IGF2BP3: variants seen among roughly 807,000 people sequenced by gnomAD.
The protein encoded by IGF2BP3 is insulin-like growth factor 2 mRNA-binding protein 3.
In IGF2BP3, 9 loss-of-function variants were observed where a neutral mutation model predicts 73.8. The ratio of observed to expected loss-of-function variants is 0.12; its 90% CI spans 0.07 to 0.21. The LOEUF (loss-of-function observed/expected upper bound fraction) is 0.21. Ranked by LOEUF, IGF2BP3 falls within the 10% of genes least tolerant of loss-of-function variation. The probability of loss-of-function intolerance (pLI) is 1.00; values close to 1 mark genes in which losing one functional copy is unlikely to be tolerated. For synonymous variants in IGF2BP3, 258 were observed against 256.7 expected, an observed-to-expected ratio of 1.01 and a Z score of -0.05; for missense variants, 542 against 714.0, an observed-to-expected ratio of 0.76 and a Z score of 2.75.
intron 10 of IGF2BP3, among the ~76,000 whole-genome samples, chr7:23,322,595 G>C (rs1426109745): frequency 6.6e-6 from 1 of 152,124 alleles, no homozygotes; most frequent in East Asian, 1.9e-4. Flanking sequence ...TCCTCGAGAA[G>C]AGCAACTCCA....
intron 10 of IGF2BP3, among the ~76,000 whole-genome samples, chr7:23,336,109 T>C (rs1041625673): frequency 6.6e-6 from 1 of 152,008 alleles, no homozygotes; most frequent in African/African-American, 2.4e-5. Context: ...ATTTCTACTT[T>C]CATGCTACAA....
At chr7:23,342,336 T>C in intron 9 of IGF2BP3, 147 bp from the exon 10 acceptor site, 1 of 869,884 alleles carries the variant, frequency 1.1e-6, no homozygotes, top group Non-Finnish European at 1.8e-6. Flanking sequence ...GGACTCTACT[T>C]GAGTACATCG....
chr7:23,324,252 C>T (rs1194884686), intron 10 of IGF2BP3, among the ~76,000 whole-genome samples: 4 of 150,388 alleles, frequency 2.7e-5, no homozygotes, highest in Admixed American at 6.6e-5. Flanking sequence ...ACCACCGATC[C>T]CACAGAAATA....
chr7:23,441,984 G>A (rs971571121), intron 2 of IGF2BP3, among the ~76,000 whole-genome samples: 3 of 152,024 alleles, frequency 2.0e-5, no homozygotes, highest in Admixed American at 6.6e-5. Flanking sequence ...AAAATTAGCC[G>A]GGTGTGGTGG....
At position 23,463,004 on chromosome 7, in the gene IGF2BP3, C is replaced by G. The variant is rs530941431; in HGVS notation, c.236+5478G>C. ...TCTTAACTAAGAATACCAATCCTAC[C>G]CCTTGGTCATTGCTACCACACTGCC... On this transcript the variant is annotated intron_variant, in intron 2 of 14. Transcript: ENST00000258729. Among the ~76,000 whole-genome samples the G allele has an allele frequency of 1.7e-4, 26 of 152,226 alleles. No homozygotes were observed. In the South Asian group the frequency reaches 4.6e-3, roughly 27 times the overall value.
intron 3 of IGF2BP3, among the ~76,000 whole-genome samples, chr7:23,406,924 AC>A (rs1786850747): frequency 6.6e-6 from 1 of 152,124 alleles, no homozygotes; most frequent in African/African-American, 2.4e-5. Flanking sequence ...TCCCCACCTG[AC>A]CCAGAAGCCC....
At chr7:23,421,338 T>A (rs1787338849) in intron 2 of IGF2BP3, among the ~76,000 whole-genome samples, 1 of 144,152 alleles carries the variant, frequency 6.9e-6, no homozygotes, top group South Asian at 2.3e-4. Context: ...TTAAAAAATA[T>A]ACCCTAATAA....
intron 2 of IGF2BP3, chr7:23,431,113 A>G (rs1787663582): frequency 6.6e-6 from 1 of 152,254 alleles, no homozygotes; most frequent in Non-Finnish European, 1.5e-5. Context: ...CTGTACATAC[A>G]CACATACACA....
At chr7:23,373,010 T>C (rs1325310700) in intron 3 of IGF2BP3, among the ~76,000 whole-genome samples, 2 of 152,194 alleles carry the variant, frequency 1.3e-5, no homozygotes. Context: ...GTCTAATAAG[T>C]TGCCTCATTT....
intron 3 of IGF2BP3, among the ~76,000 whole-genome samples, chr7:23,409,439 A>G (rs1241850384): frequency 2.6e-5 from 4 of 152,258 alleles, no homozygotes; most frequent in African/African-American, 9.6e-5. Context: ...AGTAAAGACA[A>G]TAGCCACAAT....
At chr7:23,370,707 T>G (rs1472262310) in intron 3 of IGF2BP3, among the ~76,000 whole-genome samples, 1 of 152,016 alleles carries the variant, frequency 6.6e-6, no homozygotes, top group African/African-American at 2.4e-5. Flanking sequence ...AGACAGAGTC[T>G]TGCTCTGTCA....
Position 23,312,271 on chromosome 7 carries a change from A to T in IGF2BP3, c.*91T>A. 1.1e-6 allele frequency: 1 copy of T among 951,310 alleles called. No homozygotes were observed. The allele number at this position is 951,310 out of a possible 1,614,324, so 58.9% of individuals were successfully genotyped here. A position where few individuals can be genotyped will look rare whatever the true frequency, so the allele number is the denominator to read the frequency against. On this transcript the variant is annotated 3_prime_UTR_variant, in exon 15 of 15. Transcript: ENST00000258729. The stretch of plus-strand genomic sequence containing the variant: ...GGCTAGGTAAAAACTTGTGCATGTG[A>T]TTCTGGATAGGGGGTCAGCGCCCAT...
chr7:23,426,069 G>A (rs1017970987), intron 2 of IGF2BP3, among the ~76,000 whole-genome samples: 3 of 152,114 alleles, frequency 2.0e-5, no homozygotes, highest in Admixed American at 6.6e-5. Flanking sequence ...GCTCGCGCCT[G>A]TAATCCCAGC....
rs141455653 is a variant in IGF2BP3, at chr7:23,441,860, C to T, written c.237-23036G>A. 2.4e-4 allele frequency among the ~76,000 whole-genome samples: 36 copies of T among 152,310 alleles called. No homozygotes were observed. The East Asian group carries it at 6.6e-3, about 28-fold the overall frequency. ...ATTATTCTGGCTGGGCGGGGTGGCT[C>T]ATGCCTTTAATCCCAGCACTTTGGG... is the stretch of plus-strand genomic sequence containing the variant. On this transcript the variant is annotated intron_variant, in intron 2 of 14. Coordinates refer to ENST00000258729, the MANE Select transcript of IGF2BP3 (RefSeq NM_006547.3).
chr7:23,414,116 C>T (rs1391707443), intron 3 of IGF2BP3: 1 of 151,836 alleles, frequency 6.6e-6, no homozygotes, highest in Admixed American at 6.6e-5. Context: ...TGCCACTGCA[C>T]TCCAACCTGG....
intron 2 of IGF2BP3, among the ~76,000 whole-genome samples, chr7:23,434,386 A>T (rs1359692089): frequency 6.6e-6 from 1 of 152,208 alleles, no homozygotes. Flanking sequence ...AAACTATAAT[A>T]ATCTCACCAC....
intron 3 of IGF2BP3, among the ~76,000 whole-genome samples, chr7:23,384,693 C>T (rs1329763203): frequency 6.6e-6 from 1 of 152,062 alleles, no homozygotes; most frequent in Non-Finnish European, 1.5e-5. Context: ...GAGTTCAAGA[C>T]CAGCCTGGGC....
chr7:23,447,441 T>C (rs1316915504), intron 2 of IGF2BP3, among the ~76,000 whole-genome samples: 1 of 151,630 alleles, frequency 6.6e-6, no homozygotes, highest in Non-Finnish European at 1.5e-5. Context: ...CTGGCCAACA[T>C]GGTAAAATCC....
rs575003392 is a variant in IGF2BP3 at position 23,435,348 on chromosome 7, C to CT, written c.237-16525dup. Among the ~76,000 whole-genome samples, 131 of 148,474 alleles carry CT rather than the reference C, an allele frequency of 8.8e-4. 1 individual carries two copies. The highest frequency in any genetic ancestry group is 3.0e-3 in the African/African-American group (121 of 40,434). On this transcript the variant is annotated intron_variant, in intron 2 of 14. Transcript: ENST00000258729. Reference sequence around the variant, plus strand: ...CCTGAAAATGATGAAGTCTCTAGCCCTATCATGTCTTCTGAGAACAGAATT... The same window carrying CT: ...CCTGAAAATGATGAAGTCTCTAGCCCTTATCATGTCTTCTGAGAACAGAATT...
Sources: allele counts gnomAD v4.1 joint callset (sites outside exome capture counted in the v4.1 genomes callset), GRCh38; gene constraint gnomAD v4.1.1; transcripts MANE v1.5; gene names NCBI Gene and HGNC (gene_info 2026-07-23, HGNC 2026-07-21).